TNIK: variants seen among roughly 807,000 people sequenced by gnomAD.
TNIK encodes TRAF2 and NCK-interacting protein kinase.
Under a neutral mutation model 191.3 loss-of-function variants are expected in TNIK, and 49 were observed. The observed-to-expected ratio is 0.26, with a 90% confidence interval of 0.20 to 0.32. The LOEUF is 0.32. Ranked by LOEUF, TNIK falls within the 10% of genes least tolerant of loss-of-function variation. The probability of loss-of-function intolerance (pLI) is 1.00; values close to 1 mark genes in which losing one functional copy is unlikely to be tolerated. For synonymous variants in TNIK, 594 were observed against 600.9 expected (o/e 0.99, Z 0.17); for missense variants, 1,155 against 1,702.3 (o/e 0.68, Z 5.66).
At chr3:171,205,250 T>G (rs1408259628) in intron 4 of TNIK, among the ~76,000 whole-genome samples, 1 of 152,236 alleles carries the variant, frequency 6.6e-6, no homozygotes, top group Non-Finnish European at 1.5e-5. Flanking sequence ...TCTTGATTTG[T>G]CACCACATCA....
At position 171,435,804 on chromosome 3, in the gene TNIK, G is replaced by A. The variant is rs189062346; in HGVS notation, c.57+24203C>T. Among the ~76,000 whole-genome samples the A allele has an allele frequency of 2.1e-3, 324 of 152,194 alleles. 2 individuals carry two copies. Among genetic ancestry groups the A allele is most frequent in the African/African-American group, 7.3e-3 (302 of 41,518 alleles). On this transcript the variant is annotated intron_variant, in intron 1 of 32. Transcript: ENST00000436636. Reference sequence around the variant, plus strand: ...TACAAAGCAAGAAACACACATTATTGCTTATTAATAAATAATACTTCACAT... The same window carrying A: ...TACAAAGCAAGAAACACACATTATTACTTATTAATAAATAATACTTCACAT...
chr3:171,241,099 T>C (rs989016598), intron 2 of TNIK, among the ~76,000 whole-genome samples: 3 of 151,992 alleles, frequency 2.0e-5, no homozygotes, highest in Non-Finnish European at 4.4e-5. Flanking sequence ...GGCACGATCT[T>C]GGCTCACCGC....
At chr3:171,073,864 T>C (rs1194187317) in intron 28 of TNIK, among the ~76,000 whole-genome samples, 1 of 145,828 alleles carries the variant, frequency 6.9e-6, no homozygotes, top group Non-Finnish European at 1.5e-5. Flanking sequence ...AAAAAAAAGA[T>C]GGTGGTGAGG....
chr3:171,065,159 C>G (rs1216625414), intron 32 of TNIK, among the ~76,000 whole-genome samples: 2 of 152,142 alleles, frequency 1.3e-5, no homozygotes, highest in Non-Finnish European at 2.9e-5. Flanking sequence ...GGTATCCATA[C>G]CCAGATCACT....
intron 2 of TNIK, among the ~76,000 whole-genome samples, chr3:171,338,271 G>A (rs1757164101): frequency 6.6e-6 from 1 of 152,056 alleles, no homozygotes; most frequent in South Asian, 2.1e-4. Flanking sequence ...CAACAAAAGT[G>A]ACATGTATAG....
chr3:171,101,399 TTG>T, intron 22 of TNIK, 48 bp downstream of exon 22: 1 of 1,531,882 alleles, frequency 6.5e-7, no homozygotes, highest in South Asian at 1.3e-5. Context: ...TCCTTTTATT[TTG>T]GAAACCTAGT....
intron 1 of TNIK, among the ~76,000 whole-genome samples, chr3:171,400,319 C>T (rs979596090): frequency 6.6e-6 from 1 of 152,128 alleles, no homozygotes; most frequent in African/African-American, 2.4e-5. Flanking sequence ...AATCCCAACA[C>T]TTTGGGAGGC....
At chr3:171,243,151 G>C (rs1392205021) in intron 2 of TNIK, among the ~76,000 whole-genome samples, 1 of 152,096 alleles carries the variant, frequency 6.6e-6, no homozygotes, top group Non-Finnish European at 1.5e-5. Flanking sequence ...ATGCAAACAG[G>C]AGTGTCCGGA....
In TNIK at chr3:171,415,994, A is replaced by G. The variant is rs1174460950; in HGVS notation, c.57+44013T>C. Among the ~76,000 whole-genome samples, 6 of 116,562 alleles carry G rather than the reference A, an allele frequency of 5.1e-5. No individual in the cohort carries two copies. In the East Asian group the frequency reaches 7.6e-4, roughly 15 times the overall value. 76.5% of individuals were successfully genotyped at this position (116,562 alleles called of 152,430 possible). The stretch of plus-strand genomic sequence containing the variant: ...GTCTCAAAAAAAAAAAAAAAAAAAA[A>G]AAAGAAAGAAAAAGAAAGAAAGGAA... On this transcript the variant is annotated intron_variant, in intron 1 of 32. Coordinates refer to ENST00000436636, the MANE Select transcript of TNIK (RefSeq NM_015028.4).
Position 171,448,081 on chromosome 3 carries a change from G to A in TNIK, c.57+11926C>T, listed in dbSNP as rs181573432. ...AATATGGGGGAGAAGGTGGGTAGGA[G>A]TACAGATGAAACAGGATTCATTATG... is the stretch of plus-strand genomic sequence containing the variant. On this transcript the variant is annotated intron_variant, in intron 1 of 32. Coordinates refer to ENST00000436636, the MANE Select transcript of TNIK (RefSeq NM_015028.4). Among the ~76,000 whole-genome samples the A allele has an allele frequency of 4.1e-3, 626 of 152,252 alleles. 3 individuals are homozygous for A. Among genetic ancestry groups the A allele is most frequent in the African/African-American group, 0.014 (599 of 41,532 alleles).
intron 1 of TNIK, among the ~76,000 whole-genome samples, chr3:171,388,005 G>A (rs986986160): frequency 1.2e-4 from 19 of 152,048 alleles, no homozygotes; most frequent in African/African-American, 4.6e-4. Flanking sequence ...GGGGGGAGCA[G>A]ATCTTTCCAA....
At chr3:171,309,112 G>T (rs6765169) in intron 2 of TNIK, among the ~76,000 whole-genome samples, 1 of 151,812 alleles carries the variant, frequency 6.6e-6, no homozygotes, top group Non-Finnish European at 1.5e-5. Context: ...TATGATCACT[G>T]TAGCACTATT....
At chr3:171,099,503 A>T (rs1247049736) in intron 22 of TNIK, among the ~76,000 whole-genome samples, 1 of 152,070 alleles carries the variant, frequency 6.6e-6, no homozygotes, top group African/African-American at 2.4e-5. Flanking sequence ...GACCCACTGT[A>T]TTCCAGACAC....
chr3:171,100,217 A>G (rs16855817), intron 22 of TNIK, among the ~76,000 whole-genome samples: 8,772 of 152,278 alleles, frequency 0.058, 775 homozygotes, highest in African/African-American at 0.19. Context: ...GTTCTGGATT[A>G]GTGATTTTGC....
intron 7 of TNIK, among the ~76,000 whole-genome samples, chr3:171,182,398 G>A (rs1736781400): frequency 6.6e-6 from 1 of 151,970 alleles, no homozygotes; most frequent in South Asian, 2.1e-4. Context: ...AATTACCACT[G>A]GCAAGACAGA....
chr3:171,366,664 T>G lies in TNIK; in HGVS notation c.123+2956A>C, dbSNP rs1015423973. Among the ~76,000 whole-genome samples, 1 of 152,100 alleles carries G rather than the reference T, an allele frequency of 6.6e-6. No individual in the cohort carries two copies. The highest frequency in any genetic ancestry group is 2.4e-5 in the African/African-American group (1 of 41,406). ...CTTATTCATAAAATTATACCTGACT[T>G]TATGAAAACCAGGAATGCCAAAAGA... On this transcript the variant is annotated intron_variant, in intron 2 of 32. Transcript: ENST00000436636. The surrounding 1 kb of genome is among the most constrained non-coding windows in gnomAD (Gnocchi z 4.1).
chr3:171,384,147 AT>A (rs1718425748), intron 1 of TNIK, among the ~76,000 whole-genome samples: 1 of 152,208 alleles, frequency 6.6e-6, no homozygotes, highest in African/African-American at 2.4e-5. Context: ...GATTCAAATC[AT>A]AGTTCCTACC....
intron 15 of TNIK, among the ~76,000 whole-genome samples, chr3:171,130,375 A>G (rs1729078824): frequency 6.6e-6 from 1 of 152,220 alleles, no homozygotes; most frequent in South Asian, 2.1e-4. Context: ...TGTGCAGGGT[A>G]CATACAATTG....
intron 2 of TNIK, among the ~76,000 whole-genome samples, chr3:171,346,414 C>T (rs538478256): frequency 6.6e-5 from 10 of 152,214 alleles, no homozygotes; most frequent in Admixed American, 1.3e-4. Context: ...TATTCATATA[C>T]ACCTTGCGCA....
Sources: allele counts gnomAD v4.1 joint callset (sites outside exome capture counted in the v4.1 genomes callset), GRCh38; gene constraint gnomAD v4.1.1; non-coding constraint Gnocchi (gnomAD v3.1); transcripts MANE v1.5; gene names NCBI Gene and HGNC (gene_info 2026-07-23, HGNC 2026-07-21).